The following ENOX1 variants were observed in gnomAD, a reference collection of about 807,000 sequenced individuals.
ENOX1 encodes the protein candidate growth-related and time keeping constitutive hydroquinone (NADH) oxidase.
Under a neutral mutation model 82.5 loss-of-function variants are expected in ENOX1, and 42 were observed. The ratio of observed to expected loss-of-function variants is 0.51; its 90% CI spans 0.40 to 0.66. The LOEUF (loss-of-function observed/expected upper bound fraction) is 0.66, where lower values mean the gene tolerates loss of function less well. Ranked by LOEUF, ENOX1 falls within the 30% of genes least tolerant of loss-of-function variation. The pLI, the probability that ENOX1 is intolerant of heterozygous loss-of-function variation, is 0.00. For synonymous variants in ENOX1, 271 were observed against 282.2 expected, an observed-to-expected ratio of 0.96 and a Z score of 0.40; for missense variants, 608 against 811.6, an observed-to-expected ratio of 0.75 and a Z score of 3.05.
intron 16 of ENOX1, among the ~76,000 whole-genome samples, chr13:43,214,549 C>T (rs999558678): frequency 3.9e-5 from 6 of 152,182 alleles, no homozygotes; most frequent in East Asian, 1.9e-4. Context: ...AGAAGACATT[C>T]GGGTGGATTT....
chr13:43,785,018 C>T (rs1176950314), intron 1 of ENOX1, among the ~76,000 whole-genome samples: 1 of 152,200 alleles, frequency 6.6e-6, no homozygotes, highest in East Asian at 1.9e-4. Context: ...TCCGTCTTCC[C>T]TCACAATATT....
intron 2 of ENOX1, among the ~76,000 whole-genome samples, chr13:43,493,954 G>A (rs912581964): frequency 6.6e-6 from 1 of 152,174 alleles, no homozygotes; most frequent in African/African-American, 2.4e-5. Context: ...AGGTAAAGGG[G>A]AAGCAAGGCA....
intron 15 of ENOX1, among the ~76,000 whole-genome samples, chr13:43,232,045 C>A (rs905760258): frequency 6.6e-5 from 10 of 152,072 alleles, no homozygotes; most frequent in African/African-American, 2.4e-4. Context: ...TCCACCTCAG[C>A]CCCCCAAGTA....
chr13:43,641,687 C>T (rs1272297861), intron 2 of ENOX1, among the ~76,000 whole-genome samples: 1 of 151,632 alleles, frequency 6.6e-6, no homozygotes, highest in African/African-American at 2.4e-5. Flanking sequence ...CACCCGCCAC[C>T]ATGTCCGGCT....
At chr13:43,390,786 A>G (rs1271285502) in intron 5 of ENOX1, among the ~76,000 whole-genome samples, 4 of 152,174 alleles carry the variant, frequency 2.6e-5, no homozygotes, top group Non-Finnish European at 1.5e-5. Flanking sequence ...AGAGTTGTCT[A>G]TAGAAGGTTT....
rs141744262 is a variant in ENOX1, at chr13:43,526,248, T to G, written c.-218-42096A>C. On this transcript the variant is annotated intron_variant, in intron 2 of 16. Transcript: ENST00000690772. ...ATGTCCCAGCTCACTACAGCACAAT[T>G]CCTACAGCATTAGTGGAGAATTAAC... 1.4e-3 allele frequency among the ~76,000 whole-genome samples: 220 copies of G among 152,296 alleles called. 3 individuals are homozygous for G. The East Asian group carries it at 0.04, about 28-fold the overall frequency.
chr13:43,280,740 A>G (rs191417539), intron 12 of ENOX1, among the ~76,000 whole-genome samples: 4 of 152,332 alleles, frequency 2.6e-5, no homozygotes, highest in Admixed American at 1.3e-4. Flanking sequence ...CAATATTCCC[A>G]ATTTTTCTTT....
intron 1 of ENOX1, among the ~76,000 whole-genome samples, chr13:43,732,835 C>G (rs2089422281): frequency 2.0e-5 from 3 of 152,158 alleles, no homozygotes; most frequent in Admixed American, 2.0e-4. Context: ...TTCATTCAGC[C>G]CCAGTAATGC....
Position 43,397,939 on chromosome 13 carries a change from T to C in ENOX1, c.208+13977A>G, listed in dbSNP as rs193302195. Among the ~76,000 whole-genome samples the C allele has an allele frequency of 2.0e-3, 309 of 152,354 alleles. 2 individuals carry two copies. The highest frequency in any genetic ancestry group is 6.9e-3 in the African/African-American group (286 of 41,594). ...CAAGGCACTTGGAAGATGTGCCATC[T>C]GGTGAGGACCCACTTTCTGGTTCAA... On this transcript the variant is annotated intron_variant, in intron 5 of 16. Transcript: ENST00000690772.
At chr13:43,579,926 A>G (rs2080627380) in intron 2 of ENOX1, among the ~76,000 whole-genome samples, 1 of 152,194 alleles carries the variant, frequency 6.6e-6, no homozygotes, top group Non-Finnish European at 1.5e-5. Context: ...AGTAGGAAAG[A>G]GTTCAAGGTG....
At chr13:43,532,364 T>C (rs907619839) in intron 2 of ENOX1, among the ~76,000 whole-genome samples, 3 of 152,180 alleles carry the variant, frequency 2.0e-5, no homozygotes, top group South Asian at 2.1e-4. Flanking sequence ...TCTATGACAG[T>C]GGTTCTCAAA....
At chr13:43,283,276 ACT>A (rs2153492900) in intron 12 of ENOX1, among the ~76,000 whole-genome samples, 1 of 151,994 alleles carries the variant, frequency 6.6e-6, no homozygotes, top group East Asian at 1.9e-4. Context: ...TATTTTTAAT[ACT>A]GTTTTTAGGT....
At chr13:43,262,633 C>T (rs1326629929) in intron 14 of ENOX1, among the ~76,000 whole-genome samples, 1 of 151,980 alleles carries the variant, frequency 6.6e-6, no homozygotes, top group African/African-American at 2.4e-5. Flanking sequence ...CTCAAGTGAT[C>T]CTCCTGCTTC....
At chr13:43,508,934 A>G (rs1195896932) in intron 2 of ENOX1, among the ~76,000 whole-genome samples, 1 of 152,036 alleles carries the variant, frequency 6.6e-6, no homozygotes, top group Non-Finnish European at 1.5e-5. Context: ...ATATGCATTT[A>G]TTGATCAAAT....
At chr13:43,529,640 C>G (rs772803031) in intron 2 of ENOX1, among the ~76,000 whole-genome samples, 1 of 151,972 alleles carries the variant, frequency 6.6e-6, no homozygotes, top group East Asian at 1.9e-4. Context: ...TGTGTGTGGA[C>G]GACATGTACA....
At position 43,470,331 on chromosome 13, in the gene ENOX1, T is replaced by C. The variant is rs1295280640; in HGVS notation, c.-75+13678A>G. Among the ~76,000 whole-genome samples, 15 of 64,546 alleles carry C rather than the reference T, an allele frequency of 2.3e-4. 1 individual carries two copies. Among genetic ancestry groups the C allele is most frequent in the East Asian group, 1.1e-3 (2 of 1,792 alleles). 42.3% of individuals were successfully genotyped at this position (64,546 alleles called of 152,430 possible). On this transcript the variant is annotated intron_variant, in intron 3 of 16. Coordinates refer to ENST00000690772, the MANE Select transcript of ENOX1 (RefSeq NM_001347969.2). ...ACATATATATACACATATATATATG[T>C]ATATATATACGTATATATATATGTA...
chr13:43,307,668 C>T (rs1419709934), intron 11 of ENOX1, among the ~76,000 whole-genome samples: 3 of 152,200 alleles, frequency 2.0e-5, no homozygotes, highest in African/African-American at 7.2e-5. Flanking sequence ...TTCCATTAAC[C>T]TATCGGCCTG....
intron 15 of ENOX1, among the ~76,000 whole-genome samples, chr13:43,225,851 A>C: frequency 6.6e-6 from 1 of 152,194 alleles, no homozygotes; most frequent in Non-Finnish European, 1.5e-5. Flanking sequence ...ATTTCCCTGT[A>C]AAGGTAGAAT....
intron 3 of ENOX1, among the ~76,000 whole-genome samples, chr13:43,465,797 T>C (rs576490870): frequency 3.9e-4 from 59 of 152,292 alleles, no homozygotes; most frequent in African/African-American, 1.4e-3. Context: ...ACAGGGTTTG[T>C]TGCAGCCCCC....
Sources: allele counts gnomAD v4.1 joint callset (sites outside exome capture counted in the v4.1 genomes callset), GRCh38; gene constraint gnomAD v4.1.1; transcripts MANE v1.5; gene names NCBI Gene and HGNC (gene_info 2026-07-23, HGNC 2026-07-21).